Variants in GSE1 observed in about 807,000 individuals in gnomAD.
GSE1 encodes the protein Gse1 coiled-coil protein, also known as genetic suppressor element 1.
GSE1 carries 32 observed loss-of-function variants against 112.6 expected under a neutral mutation model. The ratio of observed to expected loss-of-function variants is 0.28; its 90% confidence interval spans 0.21 to 0.38. The LOEUF (loss-of-function observed/expected upper bound fraction) is 0.38, where lower values mean the gene tolerates loss of function less well. GSE1 is among the 10% of genes least tolerant of loss of function. The pLI, the probability that GSE1 is intolerant of heterozygous loss-of-function variation, is 1.00. For synonymous variants in GSE1, 1,115 were observed against 735.6 expected (o/e 1.52, Z -8.35); for missense variants, 2,348 against 1,699.2 (o/e 1.38, Z -6.71).
intron 2 of GSE1, among the ~76,000 whole-genome samples, chr16:85,394,812 C>T (rs186952040): frequency 7.7e-4 from 117 of 152,222 alleles, no homozygotes; most frequent in East Asian, 2.9e-3. Context: ...CAGGCTTCCT[C>T]GGGCATCCCC....
In GSE1 at chr16:85,675,397, CATG is replaced by C. The variant is rs1170178978; in HGVS notation, c.*2861_*2863del. 6.6e-6 allele frequency: 1 copy of C among 152,222 alleles called. No individual in the cohort carries two copies. The highest frequency in any genetic ancestry group is 2.4e-5 in the African/African-American group (1 of 41,450). 9.4% of individuals were successfully genotyped at this position (152,222 alleles called of 1,614,324 possible). A position where few individuals can be genotyped will look rare whatever the true frequency, so the allele number is the denominator to read the frequency against. ...CTTCATATAGTCAGAGTCAGACTGA[CATG>C]ATAAAATATCATGTTCCTAATCTGT... On this transcript the variant is annotated 3_prime_UTR_variant, in exon 16 of 16. Transcript: ENST00000253458.
rs1029113169 is a variant in GSE1 at position 85,673,791 on chromosome 16, T to C, written c.*1252T>C. 5.3e-5 allele frequency: 8 copies of C among 152,184 alleles called. No homozygotes were observed. Among genetic ancestry groups the C allele is most frequent in the Admixed American group, 1.3e-4 (2 of 15,292 alleles). The allele number at this position is 152,184 out of a possible 1,614,324, so 9.4% of individuals were successfully genotyped here. A position where few individuals can be genotyped will look rare whatever the true frequency, so the allele number is the denominator to read the frequency against. Reference sequence around the variant, plus strand: ...CATGTGTGACAGTCATGTGCACACATGGGCGGGGGCTTTTAAAAACCTTTC... The same window carrying C: ...CATGTGTGACAGTCATGTGCACACACGGGCGGGGGCTTTTAAAAACCTTTC... On this transcript the variant is annotated 3_prime_UTR_variant, in exon 16 of 16. Transcript: ENST00000253458.
intron 2 of GSE1, among the ~76,000 whole-genome samples, chr16:85,381,787 G>C (rs4783181): frequency 6.6e-6 from 1 of 152,092 alleles, no homozygotes; most frequent in African/African-American, 2.4e-5. Context: ...TCACTCCTCA[G>C]GATGCTGTTG....
chr16:85,221,868 A>T (rs1440512747), intron 1 of GSE1, among the ~76,000 whole-genome samples: 2 of 152,048 alleles, frequency 1.3e-5, no homozygotes, highest in Non-Finnish European at 2.9e-5. Flanking sequence ...TGGAGCCCTC[A>T]TGTTTTCCGC....
chr16:85,233,381 G>A (rs1904310571), intron 1 of GSE1, among the ~76,000 whole-genome samples: 1 of 152,234 alleles, frequency 6.6e-6, no homozygotes, highest in South Asian at 2.1e-4. Flanking sequence ...GAGCCAGGCT[G>A]GAGCCCTCAG....
chr16:85,486,321 T>C (rs2050837519), intron 2 of GSE1, among the ~76,000 whole-genome samples: 2 of 151,036 alleles, frequency 1.3e-5, no homozygotes, highest in South Asian at 2.1e-4. Flanking sequence ...ACACTCCTGC[T>C]CTTGCACGCA....
intron 1 of GSE1, among the ~76,000 whole-genome samples, chr16:85,224,370 T>TA (rs1181800183): frequency 3.0e-5 from 4 of 132,592 alleles, no homozygotes; most frequent in Admixed American, 7.5e-5. Context: ...CCAAACTCAT[T>TA]AAAAAAAAAT....
chr16:85,503,074 C>G (rs907265579), intron 2 of GSE1, among the ~76,000 whole-genome samples: 6 of 152,312 alleles, frequency 3.9e-5, no homozygotes, highest in South Asian at 2.1e-4. Flanking sequence ...ACCCTGTTGA[C>G]ATTGAGGGGT....
chr16:85,331,345 G>GTATATATATA (rs1567692419), intron 1 of GSE1, among the ~76,000 whole-genome samples: 5 of 74,216 alleles, frequency 6.7e-5, no homozygotes, highest in African/African-American at 2.3e-4. Flanking sequence ...GTGTGTGTGT[G>GTATATATATA]TGTGTGTGTG....
chr16:85,195,692 A>G (rs375580964), intron 1 of GSE1, among the ~76,000 whole-genome samples: 1 of 152,210 alleles, frequency 6.6e-6, no homozygotes, highest in African/African-American at 2.4e-5. Flanking sequence ...GTGGTCGTCA[A>G]AATTAACCCC....
In GSE1 at chr16:85,656,525, A is replaced by G. The variant is rs1187038278; in HGVS notation, c.1172A>G (p.Gln391Arg). The G allele has an allele frequency of 3.2e-6, 5 of 1,549,112 alleles. No individual in the cohort carries two copies. The East Asian group carries it at 1.2e-4, about 38-fold the overall frequency. The change falls in exon 7 of 16, where the codon CAG becomes CGG. Residue 391 changes from glutamine to arginine, a missense_variant. By Grantham distance (43) the Gln-to-Arg change is conservative. Coordinates refer to ENST00000253458, the MANE Select transcript of GSE1 (RefSeq NM_014615.5). ...CGCGAGCTGGAGCGCCAGCGGGAGC[A>G]GCGGGCCCGGGAGAAGGAGCTGCTG... ...RERELERQREQRAREKELLAA... is the reference protein window; with the variant it reads ...RERELERQRERRAREKELLAA...
chr16:85,379,146 G>A (rs1196168454), intron 2 of GSE1, among the ~76,000 whole-genome samples: 2 of 152,110 alleles, frequency 1.3e-5, no homozygotes, highest in Non-Finnish European at 2.9e-5. Flanking sequence ...TCCGGGGCCC[G>A]GCCTACCTCT....
At chr16:85,372,052 G>A (rs1318445869) in intron 2 of GSE1, among the ~76,000 whole-genome samples, 1 of 152,186 alleles carries the variant, frequency 6.6e-6, no homozygotes, top group Non-Finnish European at 1.5e-5. Context: ...AAGCCCTGGT[G>A]CTCCTAGTTC....
chr16:85,608,300 C>G (rs971553102), upstream of GSE1, among the ~76,000 whole-genome samples: 5 of 152,100 alleles, frequency 3.3e-5, no homozygotes, highest in Non-Finnish European at 5.9e-5. Context: ...TCGTGCCCCC[C>G]GGATTCAGTG....
At chr16:85,555,124 T>G (rs1422176282), upstream of GSE1, 1 of 985,018 alleles carries the variant, frequency 1.0e-6, no homozygotes, top group Non-Finnish European at 1.2e-6. Context: ...GCCGCCGCCT[T>G]CAGCCGCCCG....
At chr16:85,422,925 T>C (rs1449795250) in intron 2 of GSE1, among the ~76,000 whole-genome samples, 1 of 152,170 alleles carries the variant, frequency 6.6e-6, no homozygotes, top group Non-Finnish European at 1.5e-5. Flanking sequence ...GCCTGGCTGC[T>C]TTATCTTGAC....
intron 2 of GSE1, among the ~76,000 whole-genome samples, chr16:85,358,187 C>T (rs556143850): frequency 6.6e-5 from 10 of 152,286 alleles, no homozygotes; most frequent in Non-Finnish European, 1.2e-4. Flanking sequence ...ATCCTAAGGG[C>T]TTCTGCATGG....
chr16:85,491,002 A>G (rs2050993935), intron 2 of GSE1, among the ~76,000 whole-genome samples: 1 of 151,912 alleles, frequency 6.6e-6, no homozygotes, highest in African/African-American at 2.4e-5. Context: ...TGGACTCCAC[A>G]CCCCGATCTC....
intron 2 of GSE1, among the ~76,000 whole-genome samples, chr16:85,647,704 C>A (rs779595098): frequency 1.4e-4 from 22 of 152,126 alleles, no homozygotes; most frequent in African/African-American, 5.3e-4. Flanking sequence ...CTCCTGCCTC[C>A]GCCTCCCGAG....
Sources: allele counts gnomAD v4.1 joint callset (sites outside exome capture counted in the v4.1 genomes callset), GRCh38; gene constraint gnomAD v4.1.1; transcripts MANE v1.5; gene names NCBI Gene and HGNC (gene_info 2026-07-23, HGNC 2026-07-21).